The following BPTF variants were observed in gnomAD, a reference collection of about 807,000 sequenced individuals.
The protein encoded by BPTF is nucleosome-remodeling factor subunit BPTF.
Under a neutral mutation model 292.5 loss-of-function variants are expected in BPTF, and 18 were observed. That is an observed-to-expected ratio of 0.06 (90% CI 0.04 to 0.09). The LOEUF is 0.09. Ranked by LOEUF, BPTF falls within the 10% of genes least tolerant of loss-of-function variation. The pLI is 1.00. For missense variants in BPTF, 2,726 were observed against 3,498.7 expected (o/e 0.78, Z 5.57); for synonymous variants, 1,225 against 1,251.9 (o/e 0.98, Z 0.45).
chr17:67,976,002 C>CA, intron 27 of BPTF, 44 bp downstream of exon 27: 1 of 1,483,772 alleles, frequency 6.7e-7, no homozygotes, highest in Non-Finnish European at 9.3e-7. Context: ...CAACTCTTCA[C>CA]ACTCTTTATA....
rs74348590 is a variant in BPTF at position 67,885,853 on chromosome 17, C to T, written c.1865-5991C>T. ...AGCTCTGGGGTATCCAAAAAATTGTCTGCCTTGTACTGGAGACTAAGGTGA... is the reference window on the plus strand; with the variant it reads ...AGCTCTGGGGTATCCAAAAAATTGTTTGCCTTGTACTGGAGACTAAGGTGA... On this transcript the variant is annotated intron_variant, in intron 4 of 27. Coordinates refer to ENST00000306378, the MANE Select transcript of BPTF (RefSeq NM_182641.4). Among the ~76,000 whole-genome samples, 392 of 152,216 alleles carry T rather than the reference C, an allele frequency of 2.6e-3. 1 individual carries two copies. Among genetic ancestry groups the T allele is most frequent in the Non-Finnish European group, 4.4e-3 (296 of 68,010 alleles).
At chr17:67,960,426 T>C (rs1234517564) in intron 24 of BPTF, 5 of 152,094 alleles carry the variant, frequency 3.3e-5, no homozygotes, top group Non-Finnish European at 7.4e-5. Context: ...GCCAGAAAAA[T>C]ACAAAAAGTG....
In BPTF at chr17:67,899,797, G is replaced by A. The variant is rs527581489; in HGVS notation, c.2544-3992G>A. Among the ~76,000 whole-genome samples, 21 of 152,106 alleles carry A rather than the reference G, an allele frequency of 1.4e-4. No homozygotes were observed. In the East Asian group the frequency reaches 2.1e-3, roughly 15 times the overall value. On this transcript the variant is annotated intron_variant, in intron 7 of 27. Coordinates refer to ENST00000306378, the MANE Select transcript of BPTF (RefSeq NM_182641.4). ...GCCCACCTCGGCTTCCCAAAGTGCT[G>A]GGATTACAAGCATGAGCCACCGCGC...
At chr17:67,834,839 A>T (rs1234949786) in intron 1 of BPTF, among the ~76,000 whole-genome samples, 2 of 152,166 alleles carry the variant, frequency 1.3e-5, no homozygotes, top group African/African-American at 4.8e-5. Flanking sequence ...TGATGAGTCA[A>T]AGAAAGCCTG....
intron 23 of BPTF, chr17:67,955,581 C>CT (rs1237312318): frequency 1.3e-5 from 2 of 152,094 alleles, no homozygotes; most frequent in Non-Finnish European, 2.9e-5. Flanking sequence ...AATCGCAGCA[C>CT]TTTGGGAGGC....
chr17:67,832,694 G>T (rs1442253620), intron 1 of BPTF, among the ~76,000 whole-genome samples: 3 of 150,904 alleles, frequency 2.0e-5, no homozygotes, highest in African/African-American at 7.3e-5. Context: ...AAAGAAGCCC[G>T]CACCGTCAGC....
Position 67,983,038 on chromosome 17 carries a change from A to T in BPTF, c.*750A>T, listed in dbSNP as rs1364673181. ...CACCAGGCTAAAATGAGTAAAATCTATTTGAAGGTATCTTGTTTGTAAACA... is the reference window on the plus strand; with the variant it reads ...CACCAGGCTAAAATGAGTAAAATCTTTTTGAAGGTATCTTGTTTGTAAACA... On this transcript the variant is annotated 3_prime_UTR_variant, in exon 28 of 28. Transcript: ENST00000306378. 1 of 152,284 alleles carries T rather than the reference A, an allele frequency of 6.6e-6. No homozygotes were observed. The highest frequency in any genetic ancestry group is 1.5e-5 in the Non-Finnish European group (1 of 68,038). 9.4% of individuals were successfully genotyped at this position (152,284 alleles called of 1,614,324 possible). A position where few individuals can be genotyped will look rare whatever the true frequency, so the allele number is the denominator to read the frequency against.
At chr17:67,857,650 A>G (rs1450356081) in intron 2 of BPTF, among the ~76,000 whole-genome samples, 1 of 151,244 alleles carries the variant, frequency 6.6e-6, no homozygotes, top group African/African-American at 2.4e-5. Context: ...CATTTTTTGT[A>G]GAGACAGGGT....
At position 67,912,841 on chromosome 17, in the gene BPTF, A is replaced by T. The variant is rs761226992; in HGVS notation, c.4957A>T (p.Ser1653Cys). The change falls in exon 11 of 28, where the codon AGC becomes TGC. Residue 1653 changes from serine (S) to cysteine (C), a missense_variant. Physicochemically the swap from Ser to Cys is moderately radical, Grantham distance 112. Coordinates refer to ENST00000306378, the MANE Select transcript of BPTF (RefSeq NM_182641.4). ...SVDIISVKEQ[S>C]KTVVTTTVTD... ...GGACATCATCTCTGTAAAGGAGCAG[A>T]GCAAAACCGTGGTCACCACGACAGT... The T allele has an allele frequency of 3.7e-6, 6 of 1,614,188 alleles. No homozygotes were observed. Among genetic ancestry groups the T allele is most frequent in the South Asian group, 1.1e-5 (1 of 91,082 alleles).
rs1434492018 is a variant in BPTF, at chr17:67,984,338, A to G, written c.*2050A>G. On this transcript the variant is annotated 3_prime_UTR_variant, in exon 28 of 28. Transcript: ENST00000306378. ...GCAATTCTTTTGTACGTAATAGGAC[A>G]TTTCATCCTAGAAAAATAAAGTAAT... 1 of 152,626 alleles carries G rather than the reference A, an allele frequency of 6.6e-6. No individual in the cohort carries two copies. Among genetic ancestry groups the G allele is most frequent in the Non-Finnish European group, 1.5e-5 (1 of 68,034 alleles). The allele number at this position is 152,626 out of a possible 1,614,324, so 9.5% of individuals were successfully genotyped here.
At chr17:67,868,456 G>A (rs932560775) in intron 3 of BPTF, among the ~76,000 whole-genome samples, 1 of 152,180 alleles carries the variant, frequency 6.6e-6, no homozygotes, top group African/African-American at 2.4e-5. Flanking sequence ...TGTGGAACCT[G>A]CTGATATGAA....
rs1261521347 is a variant in BPTF at position 67,983,748 on chromosome 17, G to C, written c.*1460G>C. 1.3e-5 allele frequency: 2 copies of C among 152,496 alleles called. No homozygotes were observed. The highest frequency in any genetic ancestry group is 4.8e-5 in the African/African-American group (2 of 41,400). 9.4% of individuals were successfully genotyped at this position (152,496 alleles called of 1,614,324 possible). A position where few individuals can be genotyped will look rare whatever the true frequency, so the allele number is the denominator to read the frequency against. ...TTTTGCACTAACTCATATTAGCTTT[G>C]TCCTACCAACTTCTGGAATTTATCT... On this transcript the variant is annotated 3_prime_UTR_variant, in exon 28 of 28. Coordinates refer to ENST00000306378, the MANE Select transcript of BPTF (RefSeq NM_182641.4).
At chr17:67,864,210 G>A (rs73350885) in intron 2 of BPTF, among the ~76,000 whole-genome samples, 3,472 of 152,170 alleles carry the variant, frequency 0.023, 136 homozygotes, top group African/African-American at 0.079. Context: ...ACTGTATATA[G>A]GCCAAGTAAC....
chr17:67,959,488 A>G (rs1268552957), intron 23 of BPTF, 53 bp from the exon 24 acceptor site: 1 of 1,400,246 alleles, frequency 7.1e-7, no homozygotes. Flanking sequence ...TGGCCAGATC[A>G]CACATTTACA....
chr17:67,830,717 G>A (rs963361169), intron 1 of BPTF, among the ~76,000 whole-genome samples: 11 of 152,182 alleles, frequency 7.2e-5, no homozygotes, highest in African/African-American at 2.4e-4. Context: ...TTTAGCAAGA[G>A]CCTGAGTGTG....
rs371614689 is a variant in BPTF at position 67,944,366 on chromosome 17, G to A, written c.6694G>A (p.Ala2232Thr). 2 of 1,612,444 alleles carry A rather than the reference G, an allele frequency of 1.2e-6. No individual in the cohort carries two copies. Among genetic ancestry groups the A allele is most frequent in the African/African-American group, 1.3e-5 (1 of 74,932 alleles). The change falls in exon 20 of 28, where the codon GCA becomes ACA. Residue 2232 changes from alanine to threonine, a missense_variant. Coordinates refer to ENST00000306378, the MANE Select transcript of BPTF (RefSeq NM_182641.4). ...CACCACCACCACTGTTTCCACGACA[G>A]CAGCAGGTAGAGCTGTGGGTTTATC... Reference protein sequence around the residue: ...STTTTTVSTTAAGTGEQRQSK... With the variant: ...STTTTTVSTTTAGTGEQRQSK...
chr17:67,911,147 T>C lies in BPTF; in HGVS notation c.3263T>C (p.Ile1088Thr), dbSNP rs971727072. ...GAAAAAATCAAGTTGGAGGGTGGAATTAAGGGTATAGGAAAGACTTCTACA... is the reference window on the plus strand; with the variant it reads ...GAAAAAATCAAGTTGGAGGGTGGAACTAAGGGTATAGGAAAGACTTCTACA... ...RLEKIKLEGG[I>T]KGIGKTSTNS... The change falls in exon 11 of 28, where the codon ATT becomes ACT. Residue 1088 changes from isoleucine (I) to threonine (T), a missense_variant. Transcript: ENST00000306378. 2 of 1,613,948 alleles carry C rather than the reference T, an allele frequency of 1.2e-6. No homozygotes were observed. The highest frequency in any genetic ancestry group is 1.7e-5 in the Admixed American group (1 of 60,016).
intron 4 of BPTF, among the ~76,000 whole-genome samples, chr17:67,879,360 T>C (rs984471312): frequency 1.3e-5 from 2 of 152,128 alleles, no homozygotes; most frequent in African/African-American, 4.8e-5. Context: ...CAGGCTGGTC[T>C]TGAACTCCTG....
chr17:67,917,520 C>T (rs1432392852), intron 11 of BPTF, among the ~76,000 whole-genome samples: 3 of 152,006 alleles, frequency 2.0e-5, no homozygotes, highest in Non-Finnish European at 4.4e-5. Flanking sequence ...TATTCATCAT[C>T]CAGTTGTTCA....
Sources: gnomAD v4.1 joint callset for allele counts (sites outside exome capture counted in the v4.1 genomes callset) on GRCh38, gnomAD v4.1.1 for gene constraint, MANE v1.5 for transcripts, NCBI Gene and HGNC (gene_info 2026-07-23, HGNC 2026-07-21) for gene names.